Variants in ATRNL1 observed in about 807,000 individuals in gnomAD.
ATRNL1 encodes attractin like 1.
In ATRNL1, 95 loss-of-function variants were observed where a neutral mutation model predicts 182.7. The ratio of observed to expected loss-of-function variants is 0.52; its 90% CI spans 0.44 to 0.62. The LOEUF (loss-of-function observed/expected upper bound fraction) is 0.62, where lower values mean the gene tolerates loss of function less well. Among genes scored for constraint, ATRNL1 ranks in the 20% least tolerant of loss-of-function variants. The pLI is 0.00. For synonymous variants in ATRNL1, 576 were observed against 568.3 expected (o/e 1.01, Z -0.19); for missense variants, 1,471 against 1,679.5 (o/e 0.88, Z 2.17).
chr10:115,473,860 A>ACAATTC (rs1374934426), intron 24 of ATRNL1, among the ~76,000 whole-genome samples: 1 of 151,380 alleles, frequency 6.6e-6, no homozygotes, highest in Non-Finnish European at 1.5e-5. Context: ...TTGTTGGCAT[A>ACAATTC]CAATTCCCCA....
At chr10:115,461,211 T>A (rs1160543343) in intron 21 of ATRNL1, among the ~76,000 whole-genome samples, 1 of 152,082 alleles carries the variant, frequency 6.6e-6, no homozygotes, top group Non-Finnish European at 1.5e-5. Flanking sequence ...TTGGAAATAA[T>A]TTTTATAAAA....
intron 26 of ATRNL1, 114 bp from the exon 27 acceptor site, chr10:115,727,134 A>G (rs1347917383): frequency 1.2e-5 from 9 of 723,302 alleles, no homozygotes; most frequent in African/African-American, 8.8e-5. Flanking sequence ...GGATATCTGT[A>G]TAAAATGATT....
chr10:115,152,078 TG>T, intron 5 of ATRNL1, among the ~76,000 whole-genome samples: 1 of 152,334 alleles, frequency 6.6e-6, no homozygotes, highest in African/African-American at 2.4e-5. Flanking sequence ...TCTATATCTC[TG>T]TTTTGGTACC....
chr10:115,740,619 C>G (rs1948110037), intron 27 of ATRNL1, among the ~76,000 whole-genome samples: 1 of 152,138 alleles, frequency 6.6e-6, no homozygotes, highest in Non-Finnish European at 1.5e-5. Flanking sequence ...AATTCTTCTG[C>G]CTCCGCCTCT....
In ATRNL1 at chr10:115,944,771, T is replaced by C; in HGVS notation, c.4132T>C (p.Cys1378Arg). The C allele has an allele frequency of 6.2e-7, 1 of 1,612,972 alleles. No individual in the cohort carries two copies. Among genetic ancestry groups the C allele is most frequent in the Non-Finnish European group, 8.5e-7 (1 of 1,179,394 alleles). Residue 1378 changes from cysteine to arginine, a missense_variant, in exon 29 of 29, where the codon TGT (cysteine) becomes CGT (arginine). Cys to Arg is a radical substitution (Grantham distance 180, BLOSUM62 -3). Coordinates refer to ENST00000355044, the MANE Select transcript of ATRNL1 (RefSeq NM_207303.4). ...RKHLSTRQGTCV is the reference protein window; with the variant it reads ...RKHLSTRQGTRV ...ACACCTTTCAACACGTCAAGGAACT[T>C]GTGTCTGAGAAATGGAAACCGCTCC... is the stretch of plus-strand genomic sequence containing the variant.
chr10:115,712,167 G>A (rs1304448979), intron 26 of ATRNL1, among the ~76,000 whole-genome samples: 5 of 152,150 alleles, frequency 3.3e-5, no homozygotes, highest in Non-Finnish European at 7.3e-5. Context: ...TGTCAACACT[G>A]CTATATTAGT....
At chr10:115,892,090 G>T (rs1952093601) in intron 28 of ATRNL1, among the ~76,000 whole-genome samples, 1 of 152,120 alleles carries the variant, frequency 6.6e-6, no homozygotes, top group Admixed American at 6.5e-5. Context: ...ATATTTTGGG[G>T]TTTTGTTGTT....
intron 20 of ATRNL1, among the ~76,000 whole-genome samples, chr10:115,419,903 A>G (rs1350652927): frequency 2.0e-5 from 3 of 151,994 alleles, no homozygotes; most frequent in African/African-American, 7.3e-5. Flanking sequence ...GTCAGACAAC[A>G]CTCTTGACCA....
At chr10:115,142,655 G>A (rs567707136) in intron 5 of ATRNL1, among the ~76,000 whole-genome samples, 3 of 152,244 alleles carry the variant, frequency 2.0e-5, no homozygotes, top group African/African-American at 7.2e-5. Flanking sequence ...GCTCCTATTG[G>A]TTTCCACCTG....
intron 1 of ATRNL1, among the ~76,000 whole-genome samples, chr10:115,099,894 A>C (rs1191587319): frequency 2.0e-5 from 3 of 152,248 alleles, no homozygotes; most frequent in Non-Finnish European, 4.4e-5. Context: ...CAATGCAAAG[A>C]GAATGAAATC....
At chr10:115,248,909 G>A (rs115547199) in intron 10 of ATRNL1, among the ~76,000 whole-genome samples, 1,788 of 152,166 alleles carry the variant, frequency 0.012, 34 homozygotes, top group African/African-American at 0.04. Flanking sequence ...TCATCTTGTT[G>A]TGAGCCTTGT....
intron 21 of ATRNL1, among the ~76,000 whole-genome samples, chr10:115,443,190 T>G (rs1211901577): frequency 6.6e-6 from 1 of 152,022 alleles, no homozygotes; most frequent in Non-Finnish European, 1.5e-5. Flanking sequence ...TTTGCATTTT[T>G]TTGGTGATTT....
intron 28 of ATRNL1, among the ~76,000 whole-genome samples, chr10:115,850,708 G>A (rs1951034262): frequency 6.6e-6 from 1 of 152,200 alleles, no homozygotes; most frequent in African/African-American, 2.4e-5. Context: ...CTTGGGAAAT[G>A]TGACCTTTAG....
intron 14 of ATRNL1, among the ~76,000 whole-genome samples, chr10:115,285,719 G>T (rs1852577792): frequency 6.6e-6 from 1 of 151,996 alleles, no homozygotes; most frequent in Non-Finnish European, 1.5e-5. Context: ...CTCTACCCAT[G>T]CTTATGAAAG....
chr10:115,667,747 C>T (rs534965078), intron 26 of ATRNL1, among the ~76,000 whole-genome samples: 9 of 151,870 alleles, frequency 5.9e-5, no homozygotes, highest in Non-Finnish European at 1.2e-4. Context: ...CTGAAACTCC[C>T]GGGGGCTCAA....
At chr10:115,842,044 G>T (rs1950821368) in intron 27 of ATRNL1, among the ~76,000 whole-genome samples, 1 of 152,036 alleles carries the variant, frequency 6.6e-6, no homozygotes, top group Non-Finnish European at 1.5e-5. Context: ...GATGAATTCT[G>T]ATAAGAATAG....
intron 19 of ATRNL1, among the ~76,000 whole-genome samples, chr10:115,369,352 A>G (rs1165058538): frequency 6.6e-6 from 1 of 151,496 alleles, no homozygotes; most frequent in African/African-American, 2.4e-5. Context: ...TGAAGGGGAT[A>G]GGATTCTGTG....
In ATRNL1 at chr10:115,700,313, T is replaced by TCAACAAAAGAAA. The variant is rs1555051134; in HGVS notation, c.3796-26935_3796-26934insCAACAAAAGAAA. The stretch of plus-strand genomic sequence containing the variant: ...AATTTACACTCCCAGCAACACTGTG[T>TCAACAAAAGAAA]AAGTGTTTCTTTTTCTCTGCAGCCT... On this transcript the variant is annotated intron_variant, in intron 26 of 28. Coordinates refer to ENST00000355044, the MANE Select transcript of ATRNL1 (RefSeq NM_207303.4). Among the ~76,000 whole-genome samples the TCAACAAAAGAAA allele has an allele frequency of 2.0e-5, 3 of 152,096 alleles. No individual in the cohort carries two copies. The South Asian group carries it at 6.2e-4, about 32-fold the overall frequency.
At chr10:115,658,870 G>T (rs1555036833) in intron 26 of ATRNL1, among the ~76,000 whole-genome samples, 1 of 152,138 alleles carries the variant, frequency 6.6e-6, no homozygotes, top group Non-Finnish European at 1.5e-5. Flanking sequence ...GCATGGCTGT[G>T]GCGGCCTCGG....
Sources: allele counts gnomAD v4.1 joint callset (sites outside exome capture counted in the v4.1 genomes callset), GRCh38; gene constraint gnomAD v4.1.1; transcripts MANE v1.5; gene names NCBI Gene and HGNC (gene_info 2026-07-23, HGNC 2026-07-21).